The following SMC3 variants were observed in gnomAD, a reference collection of about 807,000 sequenced individuals.
The protein encoded by SMC3 is structural maintenance of chromosomes protein 3.
In SMC3, 20 loss-of-function variants were observed where a neutral mutation model predicts 171.8. The observed-to-expected ratio is 0.12, with a 90% CI of 0.08 to 0.17. The LOEUF is 0.17. Among genes scored for constraint, SMC3 ranks in the 10% least tolerant of loss-of-function variants. SMC3 has a pLI of 1.00. For missense variants in SMC3, 543 were observed against 1,420.4 expected, an observed-to-expected ratio of 0.38 and a Z score of 9.93; for synonymous variants, 464 against 451.1, an observed-to-expected ratio of 1.03 and a Z score of -0.36.
intron 17 of SMC3, among the ~76,000 whole-genome samples, 194 bp from the exon 18 acceptor site, chr10:110,592,879 C>G (rs1861230432): frequency 6.6e-6 from 1 of 152,178 alleles, no homozygotes. Flanking sequence ...TATTGAAAAC[C>G]TTGATTACAA....
chr10:110,595,454 G>T (rs1055165421), intron 18 of SMC3, among the ~76,000 whole-genome samples: 16 of 152,178 alleles, frequency 1.1e-4, no homozygotes, highest in African/African-American at 3.6e-4. Context: ...GTGTCCCATT[G>T]TTAGTGATAC....
intron 20 of SMC3, 143 bp downstream of exon 20, chr10:110,598,433 CTCTT>C (rs1373974478): frequency 4.9e-6 from 4 of 813,734 alleles, no homozygotes; most frequent in Non-Finnish European, 8.0e-6. Context: ...AAGACAGAGT[CTCTT>C]TCTGTCTCAC....
intron 11 of SMC3, 61 bp from the exon 12 acceptor site, chr10:110,583,776 CATTT>C: frequency 6.4e-7 from 1 of 1,553,392 alleles, no homozygotes; most frequent in Non-Finnish European, 8.8e-7. Context: ...CCTGAGAAAA[CATTT>C]ATGCTAGACC....
At chr10:110,603,054 T>A in intron 27 of SMC3, 52 bp downstream of exon 27, 1 of 1,586,694 alleles carries the variant, frequency 6.3e-7, no homozygotes, top group Non-Finnish European at 8.7e-7. Flanking sequence ...GCTGGTAATA[T>A]TTGCTGATGT....
At position 110,603,306 on chromosome 10, in the gene SMC3, A is replaced by G. The variant is rs1861415245; in HGVS notation, c.3582+16A>G. 1 of 1,420,938 alleles carries G rather than the reference A, an allele frequency of 7.0e-7. No homozygotes were observed. The highest frequency in any genetic ancestry group is 9.9e-7 in the Non-Finnish European group (1 of 1,007,048). 88.0% of individuals were successfully genotyped at this position (1,420,938 alleles called of 1,614,324 possible). A position where few individuals can be genotyped will look rare whatever the true frequency, so the allele number is the denominator to read the frequency against. ...CAGAAATAAGGTAATTTTATTTTAC[A>G]TTGAGTTTAAGTTTGTATTTATTCA... On this transcript the variant is annotated intron_variant, in intron 28 of 28. Transcript: ENST00000361804.
intron 5 of SMC3, 107 bp downstream of exon 5, chr10:110,577,599 T>G (rs1262450718): frequency 3.7e-6 from 3 of 800,014 alleles, no homozygotes; most frequent in Non-Finnish European, 6.2e-6. Context: ...TAATTACAGT[T>G]TATATACTGA....
At chr10:110,585,388 C>G (rs1342421317) in intron 13 of SMC3, among the ~76,000 whole-genome samples, 1 of 150,530 alleles carries the variant, frequency 6.6e-6, no homozygotes. Flanking sequence ...CTCCTGAGTT[C>G]AAGCAATTCT....
intron 20 of SMC3, among the ~76,000 whole-genome samples, 157 bp downstream of exon 20, chr10:110,598,447 C>G (rs1404500659): frequency 6.6e-6 from 1 of 151,896 alleles, no homozygotes; most frequent in Non-Finnish European, 1.5e-5. Context: ...TTCTGTCTCA[C>G]CCAGGCTGGA....
rs937040967 is a variant in SMC3 at position 110,594,664 on chromosome 10, AT to A, written c.1963+1451del. On this transcript the variant is annotated intron_variant, in intron 18 of 28. Transcript: ENST00000361804. ...TATAGGTTTAGTTTACCTGCCCTCA[AT>A]TTTTTTTTTCCTCTTTATTTGTTGA... 5.9e-4 allele frequency among the ~76,000 whole-genome samples: 88 copies of A among 149,900 alleles called. 1 individual carries two copies. Among genetic ancestry groups the A allele is most frequent in the South Asian group, 3.6e-3 (17 of 4,730 alleles).
At chr10:110,584,499 T>C in intron 13 of SMC3, 103 bp downstream of exon 13, 1 of 774,420 alleles carries the variant, frequency 1.3e-6, no homozygotes, top group Non-Finnish European at 2.2e-6. Context: ...TACATGTTGC[T>C]CTTAAAATAT....
intron 16 of SMC3, 140 bp downstream of exon 16, chr10:110,590,712 A>T: frequency 5.3e-6 from 4 of 758,618 alleles, no homozygotes; most frequent in Non-Finnish European, 8.6e-6. Flanking sequence ...AAAGAAGTAG[A>T]TGCTAAGTAT....
intron 5 of SMC3, 147 bp downstream of exon 5, chr10:110,577,639 G>A (rs906073593): frequency 2.8e-6 from 2 of 711,830 alleles, no homozygotes; most frequent in African/African-American, 3.6e-5. Context: ...TGAATACTCT[G>A]TTAACAAATG....
At position 110,591,055 on chromosome 10, in the gene SMC3, A is replaced by G. The variant is rs753910640; in HGVS notation, c.1735A>G (p.Met579Val). ...STKILMEFNK[M>V]NLPGEVTFLP... is the part of the protein sequence containing the mutation. ...GAAGATTTTAATGGAGTTTAATAAAATGAATCTTCCTGGAGAGGTTACTTT... is the reference window on the plus strand; with the variant it reads ...GAAGATTTTAATGGAGTTTAATAAAGTGAATCTTCCTGGAGAGGTTACTTT... The change falls in exon 17 of 29, where the codon ATG becomes GTG. Residue 579 changes from methionine to valine, a missense_variant. Met to Val is a conservative substitution (Grantham distance 21). This residue lies in a region of SMC3 where 218 missense variants were observed against 509.6 expected (regional missense o/e 0.43). Coordinates refer to ENST00000361804, the MANE Select transcript of SMC3 (RefSeq NM_005445.4). 1.9e-6 allele frequency: 3 copies of G among 1,613,192 alleles called. No individual in the cohort carries two copies. Among genetic ancestry groups the G allele is most frequent in the South Asian group, 1.1e-5 (1 of 91,068 alleles).
rs1233353283 is a variant in SMC3 at position 110,604,912 on chromosome 10, C to G, written c.*610C>G. On this transcript the variant is annotated 3_prime_UTR_variant, in exon 29 of 29. Transcript: ENST00000361804. The stretch of plus-strand genomic sequence containing the variant: ...TTTGACTAGTTTTTCCACTAAGGCC[C>G]TTTTTCTTTTCTAGGATCCCACAGA... Among the ~76,000 whole-genome samples the G allele has an allele frequency of 6.6e-6, 1 of 152,108 alleles. No homozygotes were observed. The highest frequency in any genetic ancestry group is 2.4e-5 in the African/African-American group (1 of 41,426).
intron 2 of SMC3, among the ~76,000 whole-genome samples, chr10:110,572,116 C>T (rs1860881370): frequency 6.6e-6 from 1 of 152,126 alleles, no homozygotes; most frequent in Non-Finnish European, 1.5e-5. Context: ...CTCATAAACC[C>T]TTTACCTAGA....
chr10:110,577,526 AT>A (rs1860970307), intron 5 of SMC3, 34 bp downstream of exon 5: 1 of 1,420,942 alleles, frequency 7.0e-7, no homozygotes, highest in African/African-American at 1.4e-5. Context: ...AATGTTGAGA[AT>A]TTAATTGGTT....
At chr10:110,596,369 C>T in intron 18 of SMC3, 29 bp from the exon 19 acceptor site, 3 of 1,594,896 alleles carry the variant, frequency 1.9e-6, no homozygotes, top group Non-Finnish European at 2.6e-6. Flanking sequence ...AAAAGTTGTA[C>T]AGACCTATTA....
At chr10:110,570,725 GT>G (rs2134710030) in intron 2 of SMC3, among the ~76,000 whole-genome samples, 1 of 152,274 alleles carries the variant, frequency 6.6e-6, no homozygotes, top group Admixed American at 6.5e-5. Flanking sequence ...AAATACCATT[GT>G]TTTAGCTGTT....
intron 13 of SMC3, 145 bp downstream of exon 13, chr10:110,584,541 C>T: frequency 1.6e-6 from 1 of 634,812 alleles, no homozygotes; most frequent in East Asian, 2.8e-5. Context: ...AAGGCCTGCA[C>T]AGTTTAATAT....
Sources: allele counts gnomAD v4.1 joint callset (sites outside exome capture counted in the v4.1 genomes callset), GRCh38; gene constraint gnomAD v4.1.1; regional missense constraint gnomAD v4.1.1; transcripts MANE v1.5; gene names NCBI Gene and HGNC (gene_info 2026-07-23, HGNC 2026-07-21).